The following PCDH7 variants were observed in gnomAD, a reference collection of about 807,000 sequenced individuals.
PCDH7 encodes protocadherin 7, also known as protocadherin-7.
Under a neutral mutation model 58.9 loss-of-function variants are expected in PCDH7, and 17 were observed. The ratio of observed to expected loss-of-function variants is 0.29; its 90% CI spans 0.20 to 0.43. The LOEUF is 0.43. PCDH7 is among the 20% of genes least tolerant of loss of function. PCDH7 has a pLI of 1.00. For missense variants in PCDH7, 1,274 were observed against 1,441.0 expected, an observed-to-expected ratio of 0.88 and a Z score of 1.88; for synonymous variants, 664 against 616.4, an observed-to-expected ratio of 1.08 and a Z score of -1.14.
intron 1 of PCDH7, among the ~76,000 whole-genome samples, chr4:30,748,525 G>T (rs927217110): frequency 6.6e-6 from 1 of 152,020 alleles, no homozygotes; most frequent in African/African-American, 2.4e-5. Flanking sequence ...TTTTATCAGG[G>T]TCTCACTCCT....
At chr4:31,120,356 C>G (rs540761744) in intron 3 of PCDH7, among the ~76,000 whole-genome samples, 1 of 150,098 alleles carries the variant, frequency 6.7e-6, no homozygotes, top group Admixed American at 6.7e-5. Context: ...CCATTCCTTT[C>G]CTCTTTTTAT....
exon 2 of PCDH7, chr4:30,730,756 C>G: frequency 1.3e-6 from 2 of 1,595,564 alleles, no homozygotes; most frequent in Non-Finnish European, 1.7e-6. Flanking sequence ...CTTTCAGATG[C>G]GTCTACATCC....
At chr4:31,043,743 T>G (rs967440486) in intron 3 of PCDH7, among the ~76,000 whole-genome samples, 2 of 150,976 alleles carry the variant, frequency 1.3e-5, no homozygotes, top group Non-Finnish European at 3.0e-5. Context: ...GTAGATTGTT[T>G]GTTCACTCTG....
chr4:31,129,933 T>C (rs1718772792), intron 3 of PCDH7, among the ~76,000 whole-genome samples: 1 of 137,314 alleles, frequency 7.3e-6, no homozygotes, highest in African/African-American at 3.1e-5. Flanking sequence ...AGGCCACAAT[T>C]TTTTTTTTAT....
At chr4:31,102,809 T>C (rs2109302220) in intron 3 of PCDH7, among the ~76,000 whole-genome samples, 1 of 152,360 alleles carries the variant, frequency 6.6e-6, no homozygotes, top group African/African-American at 2.4e-5. Flanking sequence ...GTGCCTTCTT[T>C]GGACTTTCTA....
chr4:30,725,622 G>A (rs890353094), intron 1 of PCDH7, among the ~76,000 whole-genome samples: 16 of 152,040 alleles, frequency 1.1e-4, no homozygotes, highest in African/African-American at 3.9e-4. Flanking sequence ...CTTTTGGAAA[G>A]GACTGTGTCT....
intron 1 of PCDH7, among the ~76,000 whole-genome samples, chr4:30,760,763 C>G (rs1383409524): frequency 3.3e-5 from 5 of 152,184 alleles, no homozygotes; most frequent in Non-Finnish European, 7.3e-5. Flanking sequence ...CCAAGGGCAT[C>G]TGAGCATGGC....
chr4:31,029,880 T>A (rs1046091665), intron 3 of PCDH7, among the ~76,000 whole-genome samples: 8 of 152,172 alleles, frequency 5.3e-5, no homozygotes, highest in African/African-American at 1.9e-4. Flanking sequence ...CCTTGGCAAC[T>A]CTGTGGGTTC....
intron 1 of PCDH7, among the ~76,000 whole-genome samples, chr4:30,848,355 G>T (rs1257667880): frequency 1.3e-5 from 2 of 152,072 alleles, no homozygotes; most frequent in Admixed American, 1.3e-4. Flanking sequence ...GTCATCAGGT[G>T]ATTCTCTGCA....
At chr4:31,055,735 C>T (rs1578672325) in intron 3 of PCDH7, among the ~76,000 whole-genome samples, 1 of 151,918 alleles carries the variant, frequency 6.6e-6, no homozygotes, top group East Asian at 1.9e-4. Flanking sequence ...CACCACCATG[C>T]CCGGCTAATT....
intron 3 of PCDH7, among the ~76,000 whole-genome samples, chr4:31,053,395 T>A (rs1287635250): frequency 2.0e-5 from 3 of 152,070 alleles, no homozygotes; most frequent in Non-Finnish European, 4.4e-5. Context: ...TTATGATACA[T>A]CATCCTTCCA....
chr4:31,066,650 A>G (rs1257924104), intron 3 of PCDH7, among the ~76,000 whole-genome samples: 1 of 151,886 alleles, frequency 6.6e-6, no homozygotes, highest in Non-Finnish European at 1.5e-5. Context: ...CTCTTTTCAG[A>G]TGCTTTGCTA....
intron 3 of PCDH7, among the ~76,000 whole-genome samples, chr4:30,954,097 A>C (rs1747615626): frequency 6.6e-6 from 1 of 152,124 alleles, no homozygotes; most frequent in Admixed American, 6.5e-5. Context: ...CAAATGCCAA[A>C]TTGCTGTCAA....
At chr4:30,810,272 A>G (rs1418433607) in intron 1 of PCDH7, among the ~76,000 whole-genome samples, 2 of 152,152 alleles carry the variant, frequency 1.3e-5, no homozygotes, top group Non-Finnish European at 2.9e-5. Context: ...GTCTGCTACA[A>G]TATCCATAAT....
In PCDH7 at chr4:31,089,305, G is replaced by A. The variant is rs550479739; in HGVS notation, c.*8-53168G>A. On this transcript the variant is annotated intron_variant, in intron 3 of 3. Coordinates refer to the PCDH7 transcript ENST00000509759. ...ATAATATATTTTAGGAATAGAAAAA[G>A]AATTTGTAATAAATACAGAAAAAAC... Among the ~76,000 whole-genome samples the A allele has an allele frequency of 2.6e-5, 4 of 152,108 alleles. No homozygotes were observed. In the South Asian group the frequency reaches 8.3e-4, roughly 32 times the overall value.
At chr4:31,138,928 AT>A (rs2109345360) in intron 3 of PCDH7, among the ~76,000 whole-genome samples, 1 of 151,236 alleles carries the variant, frequency 6.6e-6, no homozygotes, top group South Asian at 2.1e-4. Flanking sequence ...GTGAGGCAAG[AT>A]TGCACCACTG....
At chr4:30,785,404 C>A (rs903714332) in intron 1 of PCDH7, among the ~76,000 whole-genome samples, 14 of 151,928 alleles carry the variant, frequency 9.2e-5, no homozygotes, top group African/African-American at 2.7e-4. Flanking sequence ...CTTATAGATG[C>A]CTTGGTAAAT....
intron 1 of PCDH7, among the ~76,000 whole-genome samples, chr4:30,852,153 T>C (rs1379011640): frequency 1.3e-5 from 2 of 152,116 alleles, no homozygotes; most frequent in African/African-American, 2.4e-5. Context: ...TGTCTAGCAA[T>C]CTGAGTGTTT....
At chr4:30,994,158 G>C (rs1169035838) in intron 3 of PCDH7, among the ~76,000 whole-genome samples, 1 of 152,096 alleles carries the variant, frequency 6.6e-6, no homozygotes, top group Non-Finnish European at 1.5e-5. Flanking sequence ...ACAATTATGT[G>C]TTCTATCTTT....
Sources: gnomAD v4.1 joint callset for allele counts (sites outside exome capture counted in the v4.1 genomes callset) on GRCh38, gnomAD v4.1.1 for gene constraint, MANE v1.5 for transcripts, NCBI Gene and HGNC (gene_info 2026-07-23, HGNC 2026-07-21) for gene names.